Variants in APOC1 observed in about 807,000 individuals in gnomAD.
APOC1 encodes apolipoprotein C1.
In APOC1, 4 loss-of-function variants were observed where a neutral mutation model predicts 6.7. The ratio of observed to expected loss-of-function variants is 0.60; its 90% CI spans 0.29 to 1.37. The LOEUF is 1.37. APOC1 is among the 40% of genes most tolerant of loss of function. The probability of loss-of-function intolerance (pLI) is 0.09; values close to 1 mark genes in which losing one functional copy is unlikely to be tolerated. For missense variants in APOC1, 122 were observed against 99.4 expected, an observed-to-expected ratio of 1.23 and a Z score of -0.97; for synonymous variants, 33 against 40.6, an observed-to-expected ratio of 0.81 and a Z score of 0.72.
In APOC1 at chr19:44,914,713, A is replaced by C. The variant is rs1176312608; in HGVS notation, c.-41A>C. 1 of 615,354 alleles carries C rather than the reference A, an allele frequency of 1.6e-6. No individual in the cohort carries two copies. The highest frequency in any genetic ancestry group is 2.9e-6 in the Non-Finnish European group (1 of 344,994). 38.1% of individuals were successfully genotyped at this position (615,354 alleles called of 1,614,324 possible). ...CGGGCAGGACAGGACCTCCCAACCA[A>C]GCCCTCCAGCAAGGATTCAGGTTGG... is the stretch of plus-strand genomic sequence containing the variant. On this transcript the variant is annotated 5_prime_UTR_variant, in exon 1 of 4. Coordinates refer to ENST00000592535, the MANE Select transcript of APOC1 (RefSeq NM_001645.5).
intron 3 of APOC1, among the ~76,000 whole-genome samples, chr19:44,918,328 G>T: frequency 6.9e-6 from 1 of 144,784 alleles, no homozygotes; most frequent in Non-Finnish European, 1.5e-5. Context: ...AGGCCAGGGT[G>T]AAGTGTTTCT....
intron 3 of APOC1, chr19:44,916,605 G>A (rs371824709): frequency 1.9e-6 from 1 of 530,628 alleles, no homozygotes; most frequent in Non-Finnish European, 3.3e-6. Context: ...ATTGCCTGAG[G>A]TCAGGAGTTC....
chr19:44,918,565 T>C (rs561166365), intron 3 of APOC1, among the ~76,000 whole-genome samples: 8 of 151,958 alleles, frequency 5.3e-5, no homozygotes, highest in African/African-American at 1.9e-4. Flanking sequence ...ATTTACTTAG[T>C]AGAATTTTTT....
chr19:44,916,156 A>AG, intron 2 of APOC1, 34 bp from the exon 3 acceptor site: 2 of 1,508,516 alleles, frequency 1.3e-6, no homozygotes, highest in Non-Finnish European at 8.9e-7. Flanking sequence ...AAAAAAAAAA[A>AG]CAAATTTTGA....
intron 3 of APOC1, among the ~76,000 whole-genome samples, chr19:44,917,956 A>G (rs1391057830): frequency 6.6e-6 from 1 of 151,380 alleles, no homozygotes; most frequent in Non-Finnish European, 1.5e-5. Context: ...CCTGGGCGAC[A>G]AGGCGAGACT....
rs1223062480 is a variant in APOC1, at chr19:44,916,217, A to G, written c.86A>G (p.Asp29Gly). The G allele has an allele frequency of 2.5e-6, 4 of 1,600,682 alleles. No homozygotes were observed. Among genetic ancestry groups the G allele is most frequent in the Non-Finnish European group, 3.4e-6 (4 of 1,172,688 alleles). Residue 29 changes from aspartate (D) to glycine (G), a missense_variant, in exon 3 of 4, where the codon GAC becomes GGC. Physicochemically the swap from Asp to Gly is moderately conservative, Grantham distance 94. Transcript: ENST00000592535. ...CCAGCCCCAGCCCAGGGGACCCCAG[A>G]CGTCTCCAGTGCCTTGGATAAGCTG... ...EGPAPAQGTP[D>G]VSSALDKLKE...
chr19:44,916,820 A>AC (rs940707950), intron 3 of APOC1, among the ~76,000 whole-genome samples: 1 of 139,586 alleles, frequency 7.2e-6, no homozygotes, highest in African/African-American at 2.5e-5. Context: ...AAAAAAAAAA[A>AC]AAAAAAAAAA....
Position 44,914,878 on chromosome 19 carries a change from C to T in APOC1, c.-14C>T. On this transcript the variant is annotated 5_prime_UTR_variant, in exon 2 of 4. Transcript: ENST00000592535. ...CCCCTGCCTCTGCCTCCAGAGTGCC[C>T]CTCCGGCCTCGCCATGAGGCTCTTC... The T allele has an allele frequency of 6.2e-7, 1 of 1,613,526 alleles. No homozygotes were observed. The highest frequency in any genetic ancestry group is 8.5e-7 in the Non-Finnish European group (1 of 1,179,800).
chr19:44,915,144 C>T lies in APOC1; in HGVS notation c.58+195C>T, dbSNP rs1203642236. The T allele has an allele frequency of 4.9e-6, 3 of 607,546 alleles. No homozygotes were observed. The South Asian group carries it at 5.7e-5, about 12-fold the overall frequency. 37.6% of individuals were successfully genotyped at this position (607,546 alleles called of 1,614,324 possible). ...CAGGCGCCAAATCTGCGCAGGAGAG[C>T]ACTAGCAACCGATGACGTATTGAGG... On this transcript the variant is annotated intron_variant, in intron 2 of 3. Coordinates refer to ENST00000592535, the MANE Select transcript of APOC1 (RefSeq NM_001645.5).
intron 2 of APOC1, 144 bp downstream of exon 2, chr19:44,915,093 TC>T: frequency 1.2e-6 from 1 of 814,842 alleles, no homozygotes; most frequent in Non-Finnish European, 2.0e-6. Context: ...CGGGTGGGTC[TC>T]CAGGTTCTCC....
intron 3 of APOC1, among the ~76,000 whole-genome samples, chr19:44,918,323 A>G (rs1970042841): frequency 6.9e-6 from 1 of 144,918 alleles, no homozygotes; most frequent in Non-Finnish European, 1.5e-5. Flanking sequence ...AAGCCAGGCC[A>G]GGGTGAAGTG....
At chr19:44,915,210 G>GA (rs1280301526) in intron 2 of APOC1, 1 of 531,172 alleles carries the variant, frequency 1.9e-6, no homozygotes, top group Non-Finnish European at 3.4e-6. Context: ...CGACAGCCTT[G>GA]AAAGTGGGTA....
At position 44,916,248 on chromosome 19, in the gene APOC1, G is replaced by C. The variant is rs772346849; in HGVS notation, c.117G>C (p.Glu39Asp). 8.7e-6 allele frequency: 14 copies of C among 1,613,530 alleles called. No homozygotes were observed. The highest frequency in any genetic ancestry group is 2.5e-6 in the Non-Finnish European group (3 of 1,179,930). ...CCAGTGCCTTGGATAAGCTGAAGGA[G>C]TTTGGAAACACACTGGAGGACAAGG... ...DVSSALDKLK[E>D]FGNTLEDKAR... The change falls in exon 3 of 4, where the codon GAG becomes GAC. Residue 39 changes from glutamate (E) to aspartate (D), a missense_variant. Transcript: ENST00000592535.
chr19:44,914,960 G>T lies in APOC1; in HGVS notation c.58+11G>T. 6.2e-7 allele frequency: 1 copy of T among 1,607,780 alleles called. No individual in the cohort carries two copies. Among genetic ancestry groups the T allele is most frequent in the Non-Finnish European group, 8.5e-7 (1 of 1,174,582 alleles). On this transcript the variant is annotated intron_variant, in intron 2 of 3. Transcript: ENST00000592535. ...CGATCGTCTTGGAAGGTAAAAGTGGGATGGGAGAATTGCGGAGTTGGAGAT... is the reference window on the plus strand; with the variant it reads ...CGATCGTCTTGGAAGGTAAAAGTGGTATGGGAGAATTGCGGAGTTGGAGAT...
At chr19:44,916,152 A>AAAAAAAAAAAC in intron 2 of APOC1, 38 bp from the exon 3 acceptor site, 1 of 1,524,712 alleles carries the variant, frequency 6.6e-7, no homozygotes, top group Admixed American at 2.3e-5. Flanking sequence ...AAAAAAAAAA[A>AAAAAAAAAAAC]AAAACAAATT....
chr19:44,919,250 C>A lies in APOC1; in HGVS notation c.*20C>A, dbSNP rs1278534974. On this transcript the variant is annotated 3_prime_UTR_variant, in exon 4 of 4. Coordinates refer to ENST00000592535, the MANE Select transcript of APOC1 (RefSeq NM_001645.5). ...TCATGAGGACCTGAAGGGTGACATC[C>A]CAGGAGGGGCCTCTGAAATTTCCCA... 1 of 1,611,214 alleles carries A rather than the reference C, an allele frequency of 6.2e-7. No homozygotes were observed. The highest frequency in any genetic ancestry group is 1.3e-5 in the African/African-American group (1 of 74,836).
At chr19:44,917,319 G>T (rs1050931739) in intron 3 of APOC1, among the ~76,000 whole-genome samples, 1 of 151,408 alleles carries the variant, frequency 6.6e-6, no homozygotes, top group Non-Finnish European at 1.5e-5. Context: ...AGAACGTGCC[G>T]AGCACGGTGG....
At chr19:44,914,763 C>T (rs370527199) in intron 1 of APOC1, 30 bp downstream of exon 1, 5 of 951,624 alleles carry the variant, frequency 5.3e-6, no homozygotes, top group South Asian at 2.9e-5. Flanking sequence ...GAGGGACACC[C>T]GCCTACACTC....
rs1382203005 is a variant in APOC1, at chr19:44,916,334, C to G, written c.194+9C>G. ...CTTTCTGCCAAGATGCGGTTAGAAC[C>G]CTTCCCAGGGCACGGGAGAGCTGGG... On this transcript the variant is annotated intron_variant, in intron 3 of 3. Coordinates refer to ENST00000592535, the MANE Select transcript of APOC1 (RefSeq NM_001645.5). 11 of 1,613,410 alleles carry G rather than the reference C, an allele frequency of 6.8e-6. No homozygotes were observed. Among genetic ancestry groups the G allele is most frequent in the Non-Finnish European group, 9.3e-6 (11 of 1,179,924 alleles).
Sources: allele counts gnomAD v4.1 joint callset (sites outside exome capture counted in the v4.1 genomes callset), GRCh38; gene constraint gnomAD v4.1.1; transcripts MANE v1.5; gene names NCBI Gene and HGNC (gene_info 2026-07-23, HGNC 2026-07-21).